The following SCHIP1 variants were observed in gnomAD, a reference collection of about 807,000 sequenced individuals.
SCHIP1 encodes schwannomin interacting protein 1, also known as schwannomin-interacting protein 1.
A neutral mutation model predicts 29.7 loss-of-function variants in SCHIP1; 8 were observed. The observed-to-expected ratio is 0.27, with a 90% CI of 0.16 to 0.49. SCHIP1 has a LOEUF of 0.49. Ranked by LOEUF, SCHIP1 falls within the 20% of genes least tolerant of loss-of-function variation. The pLI is 0.99. For synonymous variants in SCHIP1, 76 were observed against 94.9 expected, an observed-to-expected ratio of 0.80 and a Z score of 1.16; for missense variants, 193 against 294.6, an observed-to-expected ratio of 0.66 and a Z score of 2.52.
the SCHIP1 span, among the ~76,000 whole-genome samples, chr3:159,553,953 A>C: frequency 6.7e-6 from 1 of 148,262 alleles, no homozygotes; most frequent in African/African-American, 2.5e-5. Context: ...GGCTCCTGAC[A>C]CCACGCCCAG....
At chr3:159,566,927 A>G in the SCHIP1 span, among the ~76,000 whole-genome samples, 1 of 152,242 alleles carries the variant, frequency 6.6e-6, no homozygotes, top group South Asian at 2.1e-4. Flanking sequence ...TCTTAAGTGT[A>G]CATTTTCACA....
At chr3:159,297,850 G>T in the SCHIP1 span, among the ~76,000 whole-genome samples, 3 of 152,132 alleles carry the variant, frequency 2.0e-5, no homozygotes, top group African/African-American at 7.2e-5. Flanking sequence ...AATGACATCT[G>T]TCAGAAAGAC....
At chr3:159,510,884 G>T in the SCHIP1 span, among the ~76,000 whole-genome samples, 1 of 152,186 alleles carries the variant, frequency 6.6e-6, no homozygotes, top group African/African-American at 2.4e-5. Flanking sequence ...CCCTACTTGG[G>T]GGTGCCTCCC....
At chr3:159,678,550 A>G in the SCHIP1 span, among the ~76,000 whole-genome samples, 1 of 152,228 alleles carries the variant, frequency 6.6e-6, no homozygotes, top group African/African-American at 2.4e-5. Flanking sequence ...TATATCTAAA[A>G]CTAATATAAC....
the SCHIP1 span, among the ~76,000 whole-genome samples, chr3:159,600,217 T>C: frequency 6.6e-6 from 1 of 152,234 alleles, no homozygotes; most frequent in Non-Finnish European, 1.5e-5. Context: ...TGTATCTACC[T>C]GGGGATTGTT....
At chr3:159,481,399 T>C in the SCHIP1 span, among the ~76,000 whole-genome samples, 1 of 152,204 alleles carries the variant, frequency 6.6e-6, no homozygotes, top group African/African-American at 2.4e-5. Flanking sequence ...GTGTTCTGTA[T>C]TGACTGTACA....
the SCHIP1 span, among the ~76,000 whole-genome samples, chr3:159,609,696 C>A: frequency 8.5e-5 from 13 of 152,156 alleles, no homozygotes; most frequent in Non-Finnish European, 1.6e-4. Context: ...CCGCTTAAAA[C>A]CTGGAGATAG....
chr3:159,488,475 A>G, the SCHIP1 span, among the ~76,000 whole-genome samples: 3 of 152,132 alleles, frequency 2.0e-5, no homozygotes, highest in African/African-American at 7.2e-5. Context: ...TATACCCACA[A>G]AAATAATGTG....
At chr3:159,344,509 A>C in the SCHIP1 span, among the ~76,000 whole-genome samples, 1 of 152,170 alleles carries the variant, frequency 6.6e-6, no homozygotes, top group South Asian at 2.1e-4. Flanking sequence ...GTGGCACTTC[A>C]TGTCTGTTGA....
At chr3:159,457,957 T>A in the SCHIP1 span, among the ~76,000 whole-genome samples, 1 of 152,132 alleles carries the variant, frequency 6.6e-6, no homozygotes, top group East Asian at 1.9e-4. Flanking sequence ...AAACCACAGA[T>A]AAAGGAGCAC....
At chr3:159,811,968 G>GT in the SCHIP1 span, among the ~76,000 whole-genome samples, 1,839 of 106,754 alleles carry the variant, frequency 0.017, 17 homozygotes, top group Middle Eastern at 0.024. Flanking sequence ...AGTTTTTTTT[G>GT]TTTTTGTTTT....
chr3:159,503,254 A>G, the SCHIP1 span, among the ~76,000 whole-genome samples: 11 of 152,174 alleles, frequency 7.2e-5, no homozygotes, highest in Non-Finnish European at 1.0e-4. Context: ...TTGACAGCTC[A>G]TAAACTATTT....
At chr3:159,288,695 G>A in the SCHIP1 span, among the ~76,000 whole-genome samples, 81 of 152,308 alleles carry the variant, frequency 5.3e-4, no homozygotes, top group African/African-American at 1.7e-3. Context: ...CCGAGATTGC[G>A]CCAGCCTGGG....
chr3:159,606,276 G>T, the SCHIP1 span, among the ~76,000 whole-genome samples: 1 of 152,040 alleles, frequency 6.6e-6, no homozygotes, highest in African/African-American at 2.4e-5. Flanking sequence ...TATCATAAAA[G>T]AAGGATCATT....
chr3:159,861,560 C>T lies in SCHIP1; in HGVS notation c.31-4603C>T, dbSNP rs941539799. Among the ~76,000 whole-genome samples the T allele has an allele frequency of 6.6e-6, 1 of 152,082 alleles. No individual in the cohort carries two copies. On this transcript the variant is annotated intron_variant, in intron 1 of 6. Coordinates refer to ENST00000445224, the Ensembl canonical transcript of SCHIP1. The surrounding 1 kb of genome is among the most constrained non-coding windows in gnomAD (Gnocchi z 4.1). The stretch of plus-strand genomic sequence containing the variant: ...GTGAGCCTCATCTGCTCAGGCACAG[C>T]GGGTGGCAGTAGGGAATTTAGCAAC...
the SCHIP1 span, chr3:159,399,071 A>T: frequency 2.9e-6 from 1 of 343,718 alleles, no homozygotes; most frequent in Non-Finnish European, 4.1e-6. Context: ...TTCATTGGTG[A>T]GTCTCCAAAA....
At chr3:159,412,419 C>A in the SCHIP1 span, among the ~76,000 whole-genome samples, 2 of 152,174 alleles carry the variant, frequency 1.3e-5, no homozygotes, top group Admixed American at 6.5e-5. Flanking sequence ...TATATGTAAT[C>A]CTATTTAATA....
chr3:159,337,053 T>A, the SCHIP1 span, among the ~76,000 whole-genome samples: 24 of 152,264 alleles, frequency 1.6e-4, no homozygotes, highest in African/African-American at 5.1e-4. Flanking sequence ...CATACGCAAA[T>A]CAATAAACGT....
chr3:159,895,430 A>T (rs139550140), intron 6 of SCHIP1, among the ~76,000 whole-genome samples: 4 of 152,190 alleles, frequency 2.6e-5, no homozygotes. Context: ...TAAACGTTTG[A>T]TTATAGCTGG....
Sources: allele counts gnomAD v4.1 joint callset (sites outside exome capture counted in the v4.1 genomes callset), GRCh38; gene constraint gnomAD v4.1.1; non-coding constraint Gnocchi (gnomAD v3.1); transcripts MANE v1.5; gene names NCBI Gene and HGNC (gene_info 2026-07-23, HGNC 2026-07-21).